The following GRIN2B variants were observed in gnomAD, a reference collection of about 807,000 sequenced individuals.
GRIN2B encodes glutamate ionotropic receptor NMDA type subunit 2B, also known as glutamate receptor ionotropic, NMDA 2B.
Under a neutral mutation model 114.5 loss-of-function variants are expected in GRIN2B, and 5 were observed. The ratio of observed to expected loss-of-function variants is 0.04; its 90% confidence interval spans 0.02 to 0.09. GRIN2B has a LOEUF of 0.09. Among genes scored for constraint, GRIN2B ranks in the 10% least tolerant of loss-of-function variants. The probability of loss-of-function intolerance (pLI) is 1.00; values close to 1 mark genes in which losing one functional copy is unlikely to be tolerated. For synonymous variants in GRIN2B, 787 were observed against 745.1 expected, an observed-to-expected ratio of 1.06 and a Z score of -0.92; for missense variants, 1,108 against 1,943.5, an observed-to-expected ratio of 0.57 and a Z score of 8.08.
At chr12:13,767,369 G>A (rs1165155132) in intron 3 of GRIN2B, among the ~76,000 whole-genome samples, 1 of 151,566 alleles carries the variant, frequency 6.6e-6, no homozygotes, top group Admixed American at 6.6e-5. Flanking sequence ...CTACCTAAAT[G>A]CTATCAGTTC....
At chr12:13,706,543 T>A (rs1009178100) in intron 4 of GRIN2B, among the ~76,000 whole-genome samples, 2 of 152,122 alleles carry the variant, frequency 1.3e-5, no homozygotes, top group South Asian at 4.1e-4. Flanking sequence ...CCCAGCTTTA[T>A]GCCATGTTGC....
rs553503603 is a variant in GRIN2B, at chr12:13,554,979, T to G, written c.*7804A>C. Reference sequence around the variant, plus strand: ...AGTGTTCAGAAGGTGACTGGAAGTATGTGTATGAAGGAAAAGCAAAAGGTA... The same window carrying G: ...AGTGTTCAGAAGGTGACTGGAAGTAGGTGTATGAAGGAAAAGCAAAAGGTA... On this transcript the variant is annotated 3_prime_UTR_variant, in exon 14 of 14. Transcript: ENST00000609686. The G allele has an allele frequency of 2.0e-5, 3 of 152,074 alleles. No homozygotes were observed. Among genetic ancestry groups the G allele is most frequent in the Non-Finnish European group, 4.4e-5 (3 of 68,008 alleles). The allele number at this position is 152,074 out of a possible 1,614,324, so 9.4% of individuals were successfully genotyped here. A position where few individuals can be genotyped will look rare whatever the true frequency, so the allele number is the denominator to read the frequency against.
chr12:13,939,765 G>C (rs1208926027), intron 2 of GRIN2B, among the ~76,000 whole-genome samples: 2 of 151,824 alleles, frequency 1.3e-5, no homozygotes, highest in Non-Finnish European at 2.9e-5. Context: ...GCCCAGGCTG[G>C]TTAAAATGCT....
intron 4 of GRIN2B, among the ~76,000 whole-genome samples, chr12:13,684,989 G>T (rs911074028): frequency 6.6e-6 from 1 of 152,130 alleles, no homozygotes; most frequent in African/African-American, 2.4e-5. Context: ...TTCAACTATG[G>T]CAGGAAGACT....
rs150709126 is a variant in GRIN2B at position 13,707,495 on chromosome 12, T to C, written c.1011-31636A>G. Among the ~76,000 whole-genome samples, 437 of 152,282 alleles carry C rather than the reference T, an allele frequency of 2.9e-3. 1 individual carries two copies. The highest frequency in any genetic ancestry group is 9.5e-3 in the African/African-American group (397 of 41,574). ...GCCCATTTGCTATACGTTTATGTAGTTTCCAAAAGATTAACATTATTTTCT... is the reference window on the plus strand; with the variant it reads ...GCCCATTTGCTATACGTTTATGTAGCTTCCAAAAGATTAACATTATTTTCT... On this transcript the variant is annotated intron_variant, in intron 4 of 13. Transcript: ENST00000609686.
At chr12:13,834,996 T>G (rs964399944) in intron 3 of GRIN2B, among the ~76,000 whole-genome samples, 11 of 152,212 alleles carry the variant, frequency 7.2e-5, no homozygotes, top group African/African-American at 2.4e-4. Context: ...CCAAGGAGCC[T>G]TCTCTAATTG....
chr12:13,649,680 C>T (rs754645113), intron 5 of GRIN2B, among the ~76,000 whole-genome samples: 2 of 151,928 alleles, frequency 1.3e-5, no homozygotes, highest in African/African-American at 4.8e-5. Flanking sequence ...GATATCATAC[C>T]AGTGGACACC....
intron 10 of GRIN2B, among the ~76,000 whole-genome samples, chr12:13,594,825 A>C (rs1949052918): frequency 6.6e-6 from 1 of 152,104 alleles, no homozygotes; most frequent in African/African-American, 2.4e-5. Flanking sequence ...GGCATTTCCA[A>C]CTGAGAGTTG....
At chr12:13,724,632 C>G (rs1484144331) in intron 4 of GRIN2B, among the ~76,000 whole-genome samples, 1 of 152,066 alleles carries the variant, frequency 6.6e-6, no homozygotes, top group Non-Finnish European at 1.5e-5. Flanking sequence ...TTACCTGACT[C>G]TGTCCTAAGA....
intron 4 of GRIN2B, among the ~76,000 whole-genome samples, chr12:13,735,739 A>G (rs535262625): frequency 6.6e-6 from 1 of 152,130 alleles, no homozygotes; most frequent in Non-Finnish European, 1.5e-5. Flanking sequence ...CCTCCTTCTC[A>G]TCAGATATAT....
chr12:13,837,014 C>T (rs573658390), intron 3 of GRIN2B, among the ~76,000 whole-genome samples: 33 of 152,262 alleles, frequency 2.2e-4, no homozygotes, highest in Admixed American at 1.4e-3. Flanking sequence ...TGTTCATTGG[C>T]TTACATCAAA....
chr12:13,712,875 C>T (rs1372271359), intron 4 of GRIN2B, among the ~76,000 whole-genome samples: 1 of 151,894 alleles, frequency 6.6e-6, no homozygotes, highest in Non-Finnish European at 1.5e-5. Flanking sequence ...GATAGCTTCT[C>T]TTGGTGTTAA....
chr12:13,867,174 C>CT (rs951997155), intron 2 of GRIN2B, among the ~76,000 whole-genome samples: 6 of 151,396 alleles, frequency 4.0e-5, no homozygotes, highest in Admixed American at 2.0e-4. Flanking sequence ...AAAAATGTTC[C>CT]TTTTTTTTTC....
At chr12:13,612,343 T>C (rs1465150143) in intron 8 of GRIN2B, among the ~76,000 whole-genome samples, 1 of 152,212 alleles carries the variant, frequency 6.6e-6, no homozygotes, top group Non-Finnish European at 1.5e-5. Flanking sequence ...TTATGTACAA[T>C]AAATAACCAG....
At chr12:13,783,431 G>GGTTTTGTTTTGTTTTTTTTT (rs1555139062) in intron 3 of GRIN2B, among the ~76,000 whole-genome samples, 2 of 149,632 alleles carry the variant, frequency 1.3e-5, no homozygotes, top group Non-Finnish European at 3.0e-5. Context: ...AACGGAAATA[G>GGTTTTGTTTTGTTTTTTTTT]GTTTTGTTTT....
chr12:13,961,083 CTT>C (rs532043399), intron 2 of GRIN2B, among the ~76,000 whole-genome samples: 6 of 145,112 alleles, frequency 4.1e-5, no homozygotes, highest in South Asian at 2.2e-4. Flanking sequence ...ATTCTGACGA[CTT>C]TTTTTTTTTT....
chr12:13,698,218 T>TGGGGCGC lies in GRIN2B; in HGVS notation c.1011-22366_1011-22360dup, dbSNP rs760108568. On this transcript the variant is annotated intron_variant, in intron 4 of 13. Coordinates refer to ENST00000609686, the MANE Select transcript of GRIN2B (RefSeq NM_000834.5). The stretch of plus-strand genomic sequence containing the variant: ...CTGATGCAATACCATGCGGTGGAGT[T>TGGGGCGC]GGGGCGCGGGGCGCGGGGAGCGGAA... Among the ~76,000 whole-genome samples the TGGGGCGC allele has an allele frequency of 9.0e-3, 1,370 of 152,316 alleles. 13 individuals are homozygous for TGGGGCGC. The highest frequency in any genetic ancestry group is 0.02 in the Middle Eastern group (6 of 294).
intron 5 of GRIN2B, among the ~76,000 whole-genome samples, chr12:13,621,387 A>G (rs1949511645): frequency 6.6e-6 from 1 of 152,116 alleles, no homozygotes; most frequent in South Asian, 2.1e-4. Context: ...TATGCTTGAG[A>G]TTAAAATATG....
chr12:13,756,952 G>A (rs1413662147), intron 3 of GRIN2B, among the ~76,000 whole-genome samples: 1 of 152,164 alleles, frequency 6.6e-6, no homozygotes, highest in African/African-American at 2.4e-5. Flanking sequence ...TAGCTACTGT[G>A]TGAAGGAAGC....
Sources: gnomAD v4.1 joint callset for allele counts (sites outside exome capture counted in the v4.1 genomes callset) on GRCh38, gnomAD v4.1.1 for gene constraint, MANE v1.5 for transcripts, NCBI Gene and HGNC (gene_info 2026-07-23, HGNC 2026-07-21) for gene names.